The following ROCK1 variants were observed in gnomAD, a reference collection of about 807,000 sequenced individuals.
ROCK1 encodes rho-associated protein kinase 1.
A neutral mutation model predicts 196.8 loss-of-function variants in ROCK1; 36 were observed. The ratio of observed to expected loss-of-function variants is 0.18; its 90% confidence interval spans 0.14 to 0.24. The LOEUF is 0.24. Among genes scored for constraint, ROCK1 ranks in the 10% least tolerant of loss-of-function variants. The pLI is 1.00. For missense variants in ROCK1, 920 were observed against 1,562.0 expected (o/e 0.59, Z 6.93); for synonymous variants, 443 against 515.9 (o/e 0.86, Z 1.91).
chr18:21,104,867 TC>T (rs1350412968), intron 1 of ROCK1, among the ~76,000 whole-genome samples: 1 of 152,200 alleles, frequency 6.6e-6, no homozygotes, highest in Non-Finnish European at 1.5e-5. Flanking sequence ...TAAAAGATCT[TC>T]CCCATTTATT....
intron 9 of ROCK1, among the ~76,000 whole-genome samples, chr18:21,036,191 C>A (rs2036055351): frequency 6.6e-6 from 1 of 152,126 alleles, no homozygotes; most frequent in African/African-American, 2.4e-5. Flanking sequence ...TTCACAAAGC[C>A]CACATTGATA....
At chr18:21,021,807 G>A (rs757369546) in intron 11 of ROCK1, among the ~76,000 whole-genome samples, 15 of 152,198 alleles carry the variant, frequency 9.9e-5, no homozygotes, top group East Asian at 5.8e-4. Context: ...TTTGAAGGCC[G>A]AAGGCACTTC....
chr18:21,043,114 C>T (rs1362755179), intron 6 of ROCK1, among the ~76,000 whole-genome samples: 1 of 152,134 alleles, frequency 6.6e-6, no homozygotes, highest in African/African-American at 2.4e-5. Flanking sequence ...AGTGCAAATA[C>T]ACTGGGGAGT....
chr18:21,088,075 G>A (rs1482299141), intron 1 of ROCK1, among the ~76,000 whole-genome samples: 1 of 152,138 alleles, frequency 6.6e-6, no homozygotes, highest in Non-Finnish European at 1.5e-5. Context: ...TGGGTCAAAG[G>A]GAAAGCCTCA....
At chr18:21,052,016 T>C (rs778186155) in intron 2 of ROCK1, among the ~76,000 whole-genome samples, 2 of 152,192 alleles carry the variant, frequency 1.3e-5, no homozygotes, top group Non-Finnish European at 2.9e-5. Context: ...AGAGAGAAAG[T>C]TCTGAACCTG....
At chr18:21,084,785 C>T (rs1380947330) in intron 1 of ROCK1, among the ~76,000 whole-genome samples, 3 of 152,102 alleles carry the variant, frequency 2.0e-5, no homozygotes, top group Admixed American at 6.5e-5. Context: ...AGAAGGGATT[C>T]GAACAGATAT....
intron 16 of ROCK1, among the ~76,000 whole-genome samples, chr18:21,002,343 A>G (rs1344157285): frequency 6.6e-6 from 1 of 152,192 alleles, no homozygotes; most frequent in Admixed American, 6.5e-5. Context: ...AACTTAAAGA[A>G]TTCCTACTAA....
chr18:20,967,277 C>T (rs2035383100), intron 26 of ROCK1, among the ~76,000 whole-genome samples: 1 of 152,082 alleles, frequency 6.6e-6, no homozygotes, highest in Admixed American at 6.6e-5. Context: ...TCCTTTTCTC[C>T]TTGCCTTAAA....
At chr18:20,952,120 T>G (rs1015150488) in intron 32 of ROCK1, among the ~76,000 whole-genome samples, 2 of 152,172 alleles carry the variant, frequency 1.3e-5, no homozygotes, top group Non-Finnish European at 2.9e-5. Flanking sequence ...CGGTGGCTCA[T>G]GCCTGTAATC....
intron 1 of ROCK1, among the ~76,000 whole-genome samples, chr18:21,089,327 TG>T (rs1182489051): frequency 2.0e-5 from 3 of 152,220 alleles, no homozygotes; most frequent in Non-Finnish European, 2.9e-5. Context: ...CCCAAAATGC[TG>T]GGATTACAGG....
At chr18:21,073,488 A>C (rs1198538674) in intron 1 of ROCK1, among the ~76,000 whole-genome samples, 3 of 152,342 alleles carry the variant, frequency 2.0e-5, no homozygotes, top group Non-Finnish European at 4.4e-5. Flanking sequence ...AATCTGAATT[A>C]ACAAATATGA....
intron 1 of ROCK1, among the ~76,000 whole-genome samples, chr18:21,085,242 G>A (rs1211308314): frequency 1.4e-5 from 2 of 147,916 alleles, no homozygotes; most frequent in Non-Finnish European, 3.0e-5. Context: ...AAACGGAGGC[G>A]GATGCAGTGG....
chr18:21,068,071 T>C (rs1196599115), intron 2 of ROCK1, among the ~76,000 whole-genome samples: 1 of 152,222 alleles, frequency 6.6e-6, no homozygotes, highest in Non-Finnish European at 1.5e-5. Flanking sequence ...CTATTTTAAA[T>C]TTCGATAAGT....
chr18:20,989,095 T>C (rs1316145665), intron 18 of ROCK1, among the ~76,000 whole-genome samples: 1 of 152,178 alleles, frequency 6.6e-6, no homozygotes, highest in Non-Finnish European at 1.5e-5. Context: ...CACTAAAGGA[T>C]TTTAAGGACA....
chr18:21,070,171 C>T (rs963465097), intron 2 of ROCK1, among the ~76,000 whole-genome samples: 19 of 151,862 alleles, frequency 1.3e-4, no homozygotes, highest in Non-Finnish European at 2.5e-4. Context: ...ATGATAAAAT[C>T]CAATCTAAAA....
At chr18:21,042,524 G>C in intron 7 of ROCK1, 41 bp downstream of exon 7, 1 of 1,584,264 alleles carries the variant, frequency 6.3e-7, no homozygotes, top group Non-Finnish European at 8.6e-7. Context: ...GTTTTGAGAT[G>C]AACAACTGTA....
At chr18:21,108,588 T>C (rs2036723044) in intron 1 of ROCK1, among the ~76,000 whole-genome samples, 1 of 152,222 alleles carries the variant, frequency 6.6e-6, no homozygotes, top group South Asian at 2.1e-4. Flanking sequence ...ATTCTCCCTA[T>C]AATCCAGGCT....
intron 25 of ROCK1, among the ~76,000 whole-genome samples, chr18:20,968,181 G>A (rs1336466239): frequency 6.6e-6 from 1 of 152,130 alleles, no homozygotes; most frequent in Non-Finnish European, 1.5e-5. Context: ...ACTGAATCAA[G>A]AGTATGCTAA....
rs1598528285 is a variant in ROCK1 at position 21,014,370 on chromosome 18, T to C, written c.1410+1061A>G. ...CCTTCTTTCCACCTTTCAAAATCTTTTCATGTTTGTTTTATGTTTAATGTT... is the reference window on the plus strand; with the variant it reads ...CCTTCTTTCCACCTTTCAAAATCTTCTCATGTTTGTTTTATGTTTAATGTT... On this transcript the variant is annotated intron_variant, in intron 13 of 32. Transcript: ENST00000399799. 2.6e-5 allele frequency among the ~76,000 whole-genome samples: 4 copies of C among 152,288 alleles called. No individual in the cohort carries two copies. The South Asian group carries it at 8.3e-4, about 32-fold the overall frequency.
Sources: allele counts gnomAD v4.1 joint callset (sites outside exome capture counted in the v4.1 genomes callset), GRCh38; gene constraint gnomAD v4.1.1; transcripts MANE v1.5; gene names NCBI Gene and HGNC (gene_info 2026-07-23, HGNC 2026-07-21).